Variants in ARHGAP44 observed in about 807,000 individuals in gnomAD.
ARHGAP44 encodes the protein rho GTPase-activating protein 44.
ARHGAP44 carries 43 observed loss-of-function variants against 106.8 expected under a neutral mutation model. That is an observed-to-expected ratio of 0.40 (90% CI 0.32 to 0.52). ARHGAP44 has a LOEUF of 0.52. Among genes scored for constraint, ARHGAP44 ranks in the 20% least tolerant of loss-of-function variants. The pLI is 0.48. For missense variants in ARHGAP44, 866 were observed against 1,050.5 expected (o/e 0.82, Z 2.43); for synonymous variants, 439 against 410.3 (o/e 1.07, Z -0.85).
chr17:12,800,438 G>A (rs1476837493), intron 1 of ARHGAP44, among the ~76,000 whole-genome samples: 1 of 152,222 alleles, frequency 6.6e-6, no homozygotes, highest in Non-Finnish European at 1.5e-5. Context: ...GGCCAGTGGA[G>A]GGTTGGAGGC....
intron 1 of ARHGAP44, among the ~76,000 whole-genome samples, chr17:12,824,153 C>T (rs533086020): frequency 6.6e-6 from 1 of 152,206 alleles, no homozygotes; most frequent in South Asian, 2.1e-4. Flanking sequence ...GTGCAATTTT[C>T]TTCATGCCCT....
chr17:12,801,394 C>T (rs1421685114), intron 1 of ARHGAP44, among the ~76,000 whole-genome samples: 1 of 152,328 alleles, frequency 6.6e-6, no homozygotes, highest in East Asian at 1.9e-4. Flanking sequence ...GGTGTCTCCC[C>T]CATTTTCTAC....
chr17:12,961,226 A>C (rs978220403), intron 16 of ARHGAP44, among the ~76,000 whole-genome samples: 6 of 152,172 alleles, frequency 3.9e-5, no homozygotes, highest in African/African-American at 1.4e-4. Flanking sequence ...CTGGCCCACT[A>C]TCTGCAGGCA....
chr17:12,974,074 T>C lies in ARHGAP44; in HGVS notation c.1542-15T>C. ...GTTACGCGTGGGTAAGCGGTGTCTT[T>C]GTGTCCCTCGCCAGCATGGGTGTGA... On this transcript the variant is annotated splice_polypyrimidine_tract_variant and intron_variant, in intron 17 of 20. Coordinates refer to ENST00000379672, the MANE Select transcript of ARHGAP44 (RefSeq NM_014859.6). 6.4e-7 allele frequency: 1 copy of C among 1,555,282 alleles called. No individual in the cohort carries two copies. The highest frequency in any genetic ancestry group is 1.4e-5 in the African/African-American group (1 of 73,414).
chr17:12,929,252 G>A, intron 7 of ARHGAP44: 1 of 456,312 alleles, frequency 2.2e-6, no homozygotes, highest in Non-Finnish European at 4.0e-6. Flanking sequence ...CAGGGAGGCA[G>A]CATTCATTTA....
chr17:12,959,763 A>G (rs1420266845), intron 16 of ARHGAP44, among the ~76,000 whole-genome samples: 1 of 152,258 alleles, frequency 6.6e-6, no homozygotes, highest in East Asian at 1.9e-4. Context: ...TTACTACTGT[A>G]AAATAAAATG....
chr17:12,861,585 C>T (rs765631224), intron 1 of ARHGAP44, among the ~76,000 whole-genome samples: 3 of 151,444 alleles, frequency 2.0e-5, no homozygotes, highest in African/African-American at 2.4e-5. Flanking sequence ...CATACCACAT[C>T]GCTCTGATCC....
intron 1 of ARHGAP44, among the ~76,000 whole-genome samples, chr17:12,792,601 G>T (rs1332720280): frequency 6.6e-6 from 1 of 152,146 alleles, no homozygotes; most frequent in Non-Finnish European, 1.5e-5. Flanking sequence ...AAGCACATAG[G>T]ATTGGAATTT....
intron 1 of ARHGAP44, among the ~76,000 whole-genome samples, chr17:12,862,841 G>A (rs2036127141): frequency 1.3e-5 from 2 of 151,370 alleles, no homozygotes; most frequent in Admixed American, 6.6e-5. Flanking sequence ...TAAAAATACA[G>A]TTTAAAAAAA....
At chr17:12,945,850 G>A (rs1254627282) in intron 10 of ARHGAP44, among the ~76,000 whole-genome samples, 3 of 152,094 alleles carry the variant, frequency 2.0e-5, no homozygotes, top group Non-Finnish European at 4.4e-5. Context: ...GCAGTGGTGC[G>A]ATCTTGGCTC....
At chr17:12,869,793 CT>C (rs75326547) in intron 1 of ARHGAP44, among the ~76,000 whole-genome samples, 4,172 of 149,126 alleles carry the variant, frequency 0.028, 115 homozygotes, top group African/African-American at 0.071. Flanking sequence ...ATATATGTAA[CT>C]TTTTTTTTTT....
At chr17:12,857,559 A>G (rs761999636) in intron 1 of ARHGAP44, among the ~76,000 whole-genome samples, 14 of 152,132 alleles carry the variant, frequency 9.2e-5, no homozygotes, top group Non-Finnish European at 1.8e-4. Flanking sequence ...CCTCCAATCA[A>G]CATAATGAAT....
chr17:12,915,129 C>T (rs533473560), intron 4 of ARHGAP44, among the ~76,000 whole-genome samples: 1 of 152,178 alleles, frequency 6.6e-6, no homozygotes, highest in African/African-American at 2.4e-5. Flanking sequence ...GCCTCTGCCT[C>T]CCAGGTACAA....
chr17:12,852,548 G>GTTTT (rs111855586), intron 1 of ARHGAP44, among the ~76,000 whole-genome samples: 18 of 139,124 alleles, frequency 1.3e-4, no homozygotes, highest in African/African-American at 4.5e-4. Context: ...TGTTTGCTGT[G>GTTTT]TTTTTTTTTT....
rs373777728 is a variant in ARHGAP44, at chr17:12,943,617, G to C, written c.681G>C (p.Arg227Ser). ...TLIEVQAEYH[R>S]KSLTLLQAVL... ...TAGAAGTGCAAGCTGAATACCACAGGAAGTCCCTGACACTATTGCAGGCTG... is the reference window on the plus strand; with the variant it reads ...TAGAAGTGCAAGCTGAATACCACAGCAAGTCCCTGACACTATTGCAGGCTG... The change falls in exon 9 of 21, where the codon AGG becomes AGC. Residue 227 changes from arginine (R) to serine (S), a missense_variant. Around this residue, in one of 2 missense-constraint regions of ARHGAP44, gnomAD observed 448 missense variants for 646.9 expected, o/e 0.69. Transcript: ENST00000379672. The C allele has an allele frequency of 3.7e-6, 6 of 1,613,882 alleles. No homozygotes were observed. Among genetic ancestry groups the C allele is most frequent in the Non-Finnish European group, 5.1e-6 (6 of 1,179,864 alleles).
intron 1 of ARHGAP44, among the ~76,000 whole-genome samples, chr17:12,804,719 G>A (rs1360431957): frequency 2.0e-5 from 3 of 152,066 alleles, no homozygotes; most frequent in Non-Finnish European, 4.4e-5. Flanking sequence ...TCCATTTATC[G>A]AAACTGTTCT....
At chr17:12,819,385 C>T (rs1161187043) in intron 1 of ARHGAP44, among the ~76,000 whole-genome samples, 2 of 151,888 alleles carry the variant, frequency 1.3e-5, no homozygotes, top group Non-Finnish European at 1.5e-5. Context: ...TTTTGAGAAA[C>T]ATATGCTATC....
intron 5 of ARHGAP44, among the ~76,000 whole-genome samples, chr17:12,918,186 A>G (rs1006802237): frequency 3.3e-5 from 5 of 152,322 alleles, no homozygotes; most frequent in Middle Eastern, 3.4e-3. Flanking sequence ...TGGCTCAAGC[A>G]AGATACCCAG....
At chr17:12,868,710 T>G (rs545528978) in intron 1 of ARHGAP44, among the ~76,000 whole-genome samples, 8 of 149,182 alleles carry the variant, frequency 5.4e-5, no homozygotes, top group African/African-American at 2.0e-4. Flanking sequence ...AGAGCTGGAG[T>G]GCAATGGCGC....
Sources: allele counts gnomAD v4.1 joint callset (sites outside exome capture counted in the v4.1 genomes callset), GRCh38; gene constraint gnomAD v4.1.1; regional missense constraint gnomAD v4.1.1; transcripts MANE v1.5; gene names NCBI Gene and HGNC (gene_info 2026-07-23, HGNC 2026-07-21).